CDH4: variants seen among roughly 807,000 people sequenced by gnomAD.
CDH4 encodes cadherin 4, also known as cadherin-4.
In CDH4, 33 loss-of-function variants were observed where a neutral mutation model predicts 86.0. The observed-to-expected ratio is 0.38, with a 90% CI of 0.29 to 0.51. The LOEUF (loss-of-function observed/expected upper bound fraction) is 0.51, where lower values mean the gene tolerates loss of function less well. Among genes scored for constraint, CDH4 ranks in the 20% least tolerant of loss-of-function variants. The probability of loss-of-function intolerance (pLI) is 0.86; values close to 1 mark genes in which losing one functional copy is unlikely to be tolerated. For missense variants in CDH4, 1,114 were observed against 1,307.4 expected, an observed-to-expected ratio of 0.85 and a Z score of 2.28; for synonymous variants, 555 against 549.4, an observed-to-expected ratio of 1.01 and a Z score of -0.14.
At chr20:61,370,742 CCT>C (rs1191803102) in intron 2 of CDH4, 4 of 152,140 alleles carry the variant, frequency 2.6e-5, no homozygotes, top group Admixed American at 6.5e-5. Flanking sequence ...ATTTTTCTCC[CCT>C]GTCACTTGGA....
At chr20:61,271,328 C>T (rs998933539) in intron 2 of CDH4, among the ~76,000 whole-genome samples, 5 of 152,186 alleles carry the variant, frequency 3.3e-5, no homozygotes, top group Admixed American at 6.5e-5. Flanking sequence ...AATTGCTGAT[C>T]GTGAGTTAAT....
chr20:61,431,346 C>CT (rs141245910), intron 2 of CDH4, among the ~76,000 whole-genome samples: 14 of 145,350 alleles, frequency 9.6e-5, no homozygotes, highest in African/African-American at 2.3e-4. Flanking sequence ...AAATTACTCT[C>CT]TTTTTTTTGT....
chr20:61,466,124 C>T (rs2085470365), intron 2 of CDH4, among the ~76,000 whole-genome samples: 1 of 152,172 alleles, frequency 6.6e-6, no homozygotes. Flanking sequence ...ATTTATTTCT[C>T]ACTGTGGCTG....
chr20:61,552,366 T>G (rs1233954768), intron 2 of CDH4, among the ~76,000 whole-genome samples: 1 of 152,236 alleles, frequency 6.6e-6, no homozygotes, highest in Non-Finnish European at 1.5e-5. Flanking sequence ...ACATAAAATC[T>G]GTGTAACGTC....
At position 61,916,472 on chromosome 20, in the gene CDH4, C is replaced by T. The variant is rs773825641; in HGVS notation, c.1374+5865C>T. Reference sequence around the variant, plus strand: ...AAATGATTTGGCACAGTGCCCGGCACAAGGTAAGGACTGAATCAATGGTAT... The same window carrying T: ...AAATGATTTGGCACAGTGCCCGGCATAAGGTAAGGACTGAATCAATGGTAT... On this transcript the variant is annotated intron_variant, in intron 9 of 15. Transcript: ENST00000614565. 9.2e-5 allele frequency among the ~76,000 whole-genome samples: 14 copies of T among 152,358 alleles called. No homozygotes were observed. The East Asian group carries it at 1.2e-3, about 13-fold the overall frequency.
chr20:61,576,405 A>C (rs1278228750), intron 2 of CDH4, among the ~76,000 whole-genome samples: 1 of 152,170 alleles, frequency 6.6e-6, no homozygotes, highest in South Asian at 2.1e-4. Context: ...AATACAGATT[A>C]ACTGACCACC....
At chr20:61,736,378 G>T (rs769531259) in intron 2 of CDH4, among the ~76,000 whole-genome samples, 1 of 152,128 alleles carries the variant, frequency 6.6e-6, no homozygotes, top group African/African-American at 2.4e-5. Context: ...AGATGTCCAC[G>T]GAAGGGTCCT....
At chr20:61,634,897 C>T (rs2086931008) in intron 2 of CDH4, among the ~76,000 whole-genome samples, 1 of 152,210 alleles carries the variant, frequency 6.6e-6, no homozygotes, top group Admixed American at 6.5e-5. Flanking sequence ...TAAATGGAAC[C>T]TTATAATAAT....
At chr20:61,318,825 T>A (rs1337407694) in intron 2 of CDH4, among the ~76,000 whole-genome samples, 1 of 152,238 alleles carries the variant, frequency 6.6e-6, no homozygotes, top group African/African-American at 2.4e-5. Context: ...CCTTTTCCCA[T>A]GTAATGTTTC....
intron 2 of CDH4, among the ~76,000 whole-genome samples, chr20:61,590,304 T>G (rs187846965): frequency 6.6e-6 from 1 of 152,142 alleles, no homozygotes; most frequent in Non-Finnish European, 1.5e-5. Context: ...CTGAGTCCTC[T>G]GATGGGAGAT....
chr20:61,674,312 C>G (rs1568748075), intron 2 of CDH4, among the ~76,000 whole-genome samples: 1 of 152,178 alleles, frequency 6.6e-6, no homozygotes, highest in Non-Finnish European at 1.5e-5. Context: ...GAGCAGGAGT[C>G]ACAGCATGTT....
intron 2 of CDH4, among the ~76,000 whole-genome samples, chr20:61,595,221 G>T (rs7269593): frequency 0.04 from 6,027 of 152,326 alleles, 186 homozygotes; most frequent in Middle Eastern, 0.082. Context: ...GTCTGGGTAT[G>T]TCCTACCCAG....
At chr20:61,797,579 G>A (rs1979598070) in intron 4 of CDH4, among the ~76,000 whole-genome samples, 1 of 152,178 alleles carries the variant, frequency 6.6e-6, no homozygotes, top group South Asian at 2.1e-4. Context: ...GAGCCCAGAA[G>A]TTCGAGACCA....
chr20:61,397,053 A>G (rs756703067), intron 2 of CDH4, among the ~76,000 whole-genome samples: 12 of 152,116 alleles, frequency 7.9e-5, no homozygotes, highest in Non-Finnish European at 1.2e-4. Flanking sequence ...CTGGGATTAC[A>G]GGTGCGCCAC....
At chr20:61,917,412 T>A (rs1199064739) in intron 9 of CDH4, among the ~76,000 whole-genome samples, 2 of 152,262 alleles carry the variant, frequency 1.3e-5, no homozygotes, top group African/African-American at 4.8e-5. Flanking sequence ...CCCTCAGTTT[T>A]AAAGCTAAAA....
At chr20:61,840,166 G>A (rs1223670488) in intron 4 of CDH4, among the ~76,000 whole-genome samples, 2 of 152,180 alleles carry the variant, frequency 1.3e-5, no homozygotes, top group East Asian at 1.9e-4. Context: ...GTCTGTGTCC[G>A]TCTGCGGGCT....
At chr20:61,642,814 G>C (rs181538335) in intron 2 of CDH4, among the ~76,000 whole-genome samples, 1 of 152,070 alleles carries the variant, frequency 6.6e-6, no homozygotes, top group Non-Finnish European at 1.5e-5. Context: ...TCCTCAGCTC[G>C]TAGCTCCTTC....
chr20:61,716,175 C>T lies in CDH4; in HGVS notation c.170-27388C>T, dbSNP rs534456417. On this transcript the variant is annotated intron_variant, in intron 2 of 15. Coordinates refer to ENST00000614565, the MANE Select transcript of CDH4 (RefSeq NM_001794.5). ...GGGTAGATGCTCCTCACCTGTGAGC[C>T]GCCCCTTGGCTGGAGCTATAAAGGG... Among the ~76,000 whole-genome samples, 242 of 151,526 alleles carry T rather than the reference C, an allele frequency of 1.6e-3. 2 individuals are homozygous for T. Among genetic ancestry groups the T allele is most frequent in the Non-Finnish European group, 7.2e-4 (49 of 67,770 alleles).
At chr20:61,760,830 C>T (rs1220336817) in intron 3 of CDH4, among the ~76,000 whole-genome samples, 22 of 152,190 alleles carry the variant, frequency 1.4e-4, no homozygotes. Flanking sequence ...GGTTTGGCCC[C>T]TACTGGTGTC....
Sources: allele counts gnomAD v4.1 joint callset (sites outside exome capture counted in the v4.1 genomes callset), GRCh38; gene constraint gnomAD v4.1.1; transcripts MANE v1.5; gene names NCBI Gene and HGNC (gene_info 2026-07-23, HGNC 2026-07-21).